CCNJL: variants seen among roughly 807,000 people sequenced by gnomAD.
CCNJL encodes cyclin-J-like protein.
CCNJL carries 33 observed loss-of-function variants against 33.4 expected under a neutral mutation model. The observed-to-expected ratio is 0.99, with a 90% CI of 0.75 to 1.32. The LOEUF is 1.32. Among genes scored for constraint, CCNJL ranks in the 40% most tolerant of loss-of-function variants. CCNJL has a pLI of 0.00. For synonymous variants in CCNJL, 227 were observed against 220.9 expected (o/e 1.03, Z -0.24); for missense variants, 512 against 499.7 (o/e 1.02, Z -0.23).
chr5:160,265,679 A>G (rs1009948964), intron 3 of CCNJL, among the ~76,000 whole-genome samples: 7 of 151,538 alleles, frequency 4.6e-5, no homozygotes, highest in African/African-American at 1.5e-4. Flanking sequence ...CAACATGGTG[A>G]AACCCTGTCT....
intron 1 of CCNJL, among the ~76,000 whole-genome samples, chr5:160,320,750 C>A (rs1763429822): frequency 6.6e-6 from 1 of 152,162 alleles, no homozygotes; most frequent in African/African-American, 2.4e-5. Flanking sequence ...ACTGGCTTGA[C>A]TTTGCCTCTT....
chr5:160,266,182 T>C (rs986451299), intron 3 of CCNJL, among the ~76,000 whole-genome samples: 4 of 152,206 alleles, frequency 2.6e-5, no homozygotes, highest in Non-Finnish European at 5.9e-5. Flanking sequence ...ATGTGGGCAG[T>C]GCTACGCAGT....
At chr5:160,299,253 G>T (rs1453828239) in intron 2 of CCNJL, among the ~76,000 whole-genome samples, 1 of 152,030 alleles carries the variant, frequency 6.6e-6, no homozygotes, top group Non-Finnish European at 1.5e-5. Context: ...GGGTTTAAGC[G>T]ATTCTCCTGC....
intron 3 of CCNJL, among the ~76,000 whole-genome samples, chr5:160,268,330 C>T (rs966025645): frequency 1.3e-5 from 2 of 152,240 alleles, no homozygotes; most frequent in Non-Finnish European, 1.5e-5. Flanking sequence ...GGAGTGGCAG[C>T]CGCTTACTAG....
intron 2 of CCNJL, among the ~76,000 whole-genome samples, chr5:160,288,829 T>TAAAAAAAA (rs33916362): frequency 1.1e-5 from 1 of 89,534 alleles, no homozygotes. Flanking sequence ...AGACTCTGTC[T>TAAAAAAAA]AAAAAAAAAA....
chr5:160,285,878 C>A (rs1449184472), intron 2 of CCNJL, among the ~76,000 whole-genome samples: 1 of 152,240 alleles, frequency 6.6e-6, no homozygotes, highest in Non-Finnish European at 1.5e-5. Context: ...CCAGCTTCTT[C>A]CTAGGGTAAG....
intron 2 of CCNJL, among the ~76,000 whole-genome samples, chr5:160,290,825 C>A (rs1762557807): frequency 6.6e-6 from 1 of 151,772 alleles, no homozygotes; most frequent in Non-Finnish European, 1.5e-5. Context: ...TGAGAAAAAA[C>A]ATTATTTGTT....
At chr5:160,265,448 C>T (rs1761537148) in intron 3 of CCNJL, among the ~76,000 whole-genome samples, 1 of 152,100 alleles carries the variant, frequency 6.6e-6, no homozygotes, top group Non-Finnish European at 1.5e-5. Context: ...CCAGCCTGTC[C>T]AATATAGTGA....
chr5:160,270,482 G>A (rs1401861077), intron 3 of CCNJL, among the ~76,000 whole-genome samples: 5 of 151,840 alleles, frequency 3.3e-5, no homozygotes, highest in East Asian at 1.9e-4. Flanking sequence ...TGGTATGGAC[G>A]CGCCTGTGGT....
At chr5:160,332,386 A>G (rs1763620675) in intron 1 of CCNJL, among the ~76,000 whole-genome samples, 1 of 151,960 alleles carries the variant, frequency 6.6e-6, no homozygotes, top group Non-Finnish European at 1.5e-5. Context: ...CCTCTCCCCA[A>G]CTTTGCCCAG....
chr5:160,298,190 C>T (rs1217518847), intron 2 of CCNJL, among the ~76,000 whole-genome samples: 1 of 152,122 alleles, frequency 6.6e-6, no homozygotes, highest in African/African-American at 2.4e-5. Flanking sequence ...AGCCATGCTA[C>T]CTACCCCACA....
At chr5:160,271,567 A>G (rs577225367) in intron 3 of CCNJL, among the ~76,000 whole-genome samples, 1 of 152,298 alleles carries the variant, frequency 6.6e-6, no homozygotes, top group Admixed American at 6.5e-5. Context: ...GGAAATGGAA[A>G]ATCACCATGT....
At chr5:160,338,334 C>T (rs753811163) in intron 1 of CCNJL, among the ~76,000 whole-genome samples, 8 of 152,144 alleles carry the variant, frequency 5.3e-5, no homozygotes, top group Non-Finnish European at 1.2e-4. Flanking sequence ...GAGAAGGTTG[C>T]AGTGAGCTGA....
intron 5 of CCNJL, chr5:160,254,566 C>T: frequency 2.4e-6 from 1 of 425,054 alleles, no homozygotes; most frequent in African/African-American, 2.0e-5. Context: ...GGGCTCTCTT[C>T]AGGGGTCTAA....
At chr5:160,280,015 C>A (rs1265771676) in intron 3 of CCNJL, among the ~76,000 whole-genome samples, 1 of 152,210 alleles carries the variant, frequency 6.6e-6, no homozygotes, top group Non-Finnish European at 1.5e-5. Context: ...TGTGCCCAGG[C>A]CTGGTGACCA....
intron 1 of CCNJL, among the ~76,000 whole-genome samples, chr5:160,327,709 G>A (rs1254223827): frequency 5.9e-5 from 9 of 152,186 alleles, no homozygotes; most frequent in Non-Finnish European, 1.3e-4. Context: ...GCAGGATAAA[G>A]CTCCAGAGTA....
At chr5:160,299,806 A>T (rs912563927) in intron 2 of CCNJL, among the ~76,000 whole-genome samples, 5 of 151,808 alleles carry the variant, frequency 3.3e-5, no homozygotes, top group African/African-American at 9.7e-5. Flanking sequence ...GGTTCACTCC[A>T]AAGAGTCGGA....
intron 5 of CCNJL, chr5:160,254,364 A>G: frequency 1.5e-6 from 1 of 660,020 alleles, no homozygotes. Flanking sequence ...CCATCTCAAA[A>G]AAAGCTTCCC....
upstream of CCNJL, among the ~76,000 whole-genome samples, chr5:160,316,141 GTT>G (rs956635361): frequency 6.6e-6 from 1 of 152,070 alleles, no homozygotes; most frequent in African/African-American, 2.4e-5. Context: ...TAAACAGATG[GTT>G]TTGTGCTGAG....
Sources: gnomAD v4.1 joint callset for allele counts (sites outside exome capture counted in the v4.1 genomes callset) on GRCh38, gnomAD v4.1.1 for gene constraint, MANE v1.5 for transcripts, NCBI Gene and HGNC (gene_info 2026-07-23, HGNC 2026-07-21) for gene names.